Variants in KIF22 observed in about 807,000 individuals in gnomAD.
The protein encoded by KIF22 is kinesin family member 22.
In KIF22, 62 loss-of-function variants were observed where a neutral mutation model predicts 73.0. The observed-to-expected ratio is 0.85, with a 90% CI of 0.69 to 1.05. The LOEUF (loss-of-function observed/expected upper bound fraction) is 1.05. KIF22 is among the 50% of genes least tolerant of loss of function. The probability of loss-of-function intolerance (pLI) is 0.00; values close to 1 mark genes in which losing one functional copy is unlikely to be tolerated. For missense variants in KIF22, 854 were observed against 870.1 expected (o/e 0.98, Z 0.23); for synonymous variants, 411 against 340.1 (o/e 1.21, Z -2.29).
Position 29,799,415 on chromosome 16 carries a change from T to C in KIF22, c.911T>C (p.Leu304Pro). The C allele has an allele frequency of 6.2e-7, 1 of 1,614,246 alleles. No individual in the cohort carries two copies. Among genetic ancestry groups the C allele is most frequent in the East Asian group, 2.2e-5 (1 of 44,888 alleles). The change falls in exon 6 of 14, where the codon CTG becomes CCG. Residue 304 changes from leucine to proline, a missense_variant. Physicochemically the swap from Leu to Pro is moderately conservative, Grantham distance 98. Around this residue, in one of 3 missense-constraint regions of KIF22, gnomAD observed 245 missense variants for 351.8 expected, o/e 0.70. Coordinates refer to ENST00000160827, the MANE Select transcript of KIF22 (RefSeq NM_007317.3). ...GCCATCAACACCTCCCTGTTTGTCC[T>C]GGGCAAAGTGGTAGATGCGCTGAAT... ...SGAINTSLFV[L>P]GKVVDALNQG...
At chr16:29,791,131 G>A (rs1329946066) in intron 1 of KIF22, 7 of 1,332,546 alleles carry the variant, frequency 5.3e-6, no homozygotes, top group South Asian at 1.8e-5. Context: ...GTGAAACGGG[G>A]GTCATGGCCT....
chr16:29,799,672 T>C lies in KIF22; in HGVS notation c.1035T>C (p.Ile345=), dbSNP rs1448962703. 3 of 1,614,024 alleles carry C rather than the reference T, an allele frequency of 1.9e-6. 1 individual carries two copies. The highest frequency in any genetic ancestry group is 1.1e-5 in the South Asian group (1 of 91,058). Residue 345 remains isoleucine (I), a synonymous_variant, in exon 7 of 14, where the codon ATT becomes ATC. Transcript: ENST00000160827. ...CCCACAGTATCCTTATTGCCAACATTGCCCCTGAGAGACGCTTCTACCTAG... is the reference window on the plus strand; with the variant it reads ...CCCACAGTATCCTTATTGCCAACATCGCCCCTGAGAGACGCTTCTACCTAG... ...GSAHSILIAN[I]APERRFYLDT...
intron 1 of KIF22, chr16:29,791,256 T>C: frequency 8.8e-6 from 9 of 1,020,248 alleles, no homozygotes; most frequent in Non-Finnish European, 9.4e-6. Flanking sequence ...TGGGACATGG[T>C]GTTTGGGTGC....
At position 29,798,916 on chromosome 16, in the gene KIF22, C is replaced by T. The variant is rs1899028069; in HGVS notation, c.550-59C>T. On this transcript the variant is annotated intron_variant, in intron 4 of 13. Coordinates refer to ENST00000160827, the MANE Select transcript of KIF22 (RefSeq NM_007317.3). The surrounding 1 kb of genome is among the most constrained non-coding windows in gnomAD (Gnocchi z 4.1). ...AATAGAACAGAGAAAGGAAACTGAT[C>T]CCCAGGAAGAAACAGCCTCTCTATG... 1.3e-6 allele frequency: 2 copies of T among 1,570,242 alleles called. No individual in the cohort carries two copies. The highest frequency in any genetic ancestry group is 1.8e-6 in the Non-Finnish European group (2 of 1,141,164).
chr16:29,801,944 G>C (rs1899151695), intron 8 of KIF22, among the ~76,000 whole-genome samples: 1 of 152,034 alleles, frequency 6.6e-6, no homozygotes, highest in Non-Finnish European at 1.5e-5. Flanking sequence ...GGAGGTGTGG[G>C]GCAAGATTCC....
chr16:29,791,760 G>A (rs1258263789), intron 1 of KIF22, among the ~76,000 whole-genome samples: 1 of 152,172 alleles, frequency 6.6e-6, no homozygotes, highest in Non-Finnish European at 1.5e-5. Flanking sequence ...GTAAATATTG[G>A]GGCTTGAATT....
intron 9 of KIF22, 72 bp from the exon 10 acceptor site, chr16:29,803,377 C>G (rs551777959): frequency 3.8e-6 from 6 of 1,577,502 alleles, no homozygotes; most frequent in African/African-American, 1.4e-5. Context: ...GCATACTCAC[C>G]CTGGTAACCC....
chr16:29,803,562 A>G lies in KIF22; in HGVS notation c.1563A>G (p.Thr521=). The G allele has an allele frequency of 1.9e-6, 3 of 1,613,428 alleles. No homozygotes were observed. The highest frequency in any genetic ancestry group is 2.2e-5 in the East Asian group (1 of 44,884). Residue 521 remains threonine (T), a synonymous_variant, in exon 10 of 14, where the codon ACA becomes ACG. Coordinates refer to ENST00000160827, the MANE Select transcript of KIF22 (RefSeq NM_007317.3). ...MLRPLSHRTV[T]GAKPLKKAVV... is the part of the protein sequence containing the mutation. Reference sequence around the variant, plus strand: ...GGCCCCTTTCACATCGCACAGTCACAGGGGCAAAGCCCCTGAAAAAGGCTG... The same window carrying G: ...GGCCCCTTTCACATCGCACAGTCACGGGGGCAAAGCCCCTGAAAAAGGCTG...
chr16:29,803,420 G>GA (rs1899212271), intron 9 of KIF22, 29 bp from the exon 10 acceptor site: 1 of 1,612,232 alleles, frequency 6.2e-7, no homozygotes, highest in Non-Finnish European at 8.5e-7. Context: ...GTTGGGTCTG[G>GA]ATCACATCTC....
rs1001746297 is a variant in KIF22 at position 29,799,407 on chromosome 16, G to C, written c.903G>C (p.Leu301=). 1.2e-6 allele frequency: 2 copies of C among 1,614,108 alleles called. No homozygotes were observed. The highest frequency in any genetic ancestry group is 2.7e-5 in the African/African-American group (2 of 74,934). Residue 301 remains leucine (L), a synonymous_variant, in exon 6 of 14, where the codon CTG becomes CTC. Transcript: ENST00000160827. ...AGAGTGGAGCCATCAACACCTCCCTGTTTGTCCTGGGCAAAGTGGTAGATG... is the reference window on the plus strand; with the variant it reads ...AGAGTGGAGCCATCAACACCTCCCTCTTTGTCCTGGGCAAAGTGGTAGATG... ...LKESGAINTS[L]FVLGKVVDAL... is the part of the protein sequence containing the mutation.
At chr16:29,792,298 A>C (rs1898838875) in intron 1 of KIF22, among the ~76,000 whole-genome samples, 1 of 152,234 alleles carries the variant, frequency 6.6e-6, no homozygotes, top group Non-Finnish European at 1.5e-5. Context: ...TTATCATGAA[A>C]GGGCTAGACT....
Position 29,797,056 on chromosome 16 carries a change from C to G in KIF22, c.234C>G (p.Asn78Lys), listed in dbSNP as rs766437055. The change falls in exon 2 of 14, where the codon AAC (asparagine) becomes AAG (lysine). Residue 78 changes from asparagine to lysine, a missense_variant. Asn to Lys is a moderately conservative substitution (Grantham distance 94). Transcript: ENST00000160827. The surrounding 1 kb of genome is among the most constrained non-coding windows in gnomAD (Gnocchi z 4.1). ...ACAGCTGCTCTCTAGAGATTGCTAA[C>G]TGGAGGAACCACCAGGAGACTCTCA... ...GMDSCSLEIA[N>K]WRNHQETLKY... is the part of the protein sequence containing the mutation. The G allele has an allele frequency of 4.4e-6, 7 of 1,602,438 alleles. No individual in the cohort carries two copies. The highest frequency in any genetic ancestry group is 6.0e-6 in the Non-Finnish European group (7 of 1,172,658).
At chr16:29,790,955 G>A in intron 1 of KIF22, 126 bp downstream of exon 1, 1 of 1,503,282 alleles carries the variant, frequency 6.7e-7, no homozygotes, top group Non-Finnish European at 8.9e-7. Context: ...GGGGCGGGGA[G>A]AGGGGGACGG....
chr16:29,791,529 G>A (rs1049179923), intron 1 of KIF22: 3 of 152,302 alleles, frequency 2.0e-5, no homozygotes, highest in Non-Finnish European at 4.4e-5. Context: ...GATGGTGAGC[G>A]CCATAGTAAT....
chr16:29,799,587 G>A (rs1424390262), intron 6 of KIF22, 41 bp from the exon 7 acceptor site: 2 of 1,613,208 alleles, frequency 1.2e-6, no homozygotes, highest in Middle Eastern at 1.6e-4. Context: ...GCATAGGAAG[G>A]CTGGGCTTCT....
Position 29,790,780 on chromosome 16 carries a change from G to T in KIF22, c.21G>T (p.Thr7=). 2 of 1,601,044 alleles carry T rather than the reference G, an allele frequency of 1.2e-6. No individual in the cohort carries two copies. The highest frequency in any genetic ancestry group is 1.7e-6 in the Non-Finnish European group (2 of 1,173,978). Residue 7 remains threonine (T), a synonymous_variant, in exon 1 of 14, where the codon ACG becomes ACT. Coordinates refer to ENST00000160827, the MANE Select transcript of KIF22 (RefSeq NM_007317.3). ...GTGGAATGGCCGCGGGCGGCTCGACGCAGCAGAGGCGACGCGAGATGGCGG... is the reference window on the plus strand; with the variant it reads ...GTGGAATGGCCGCGGGCGGCTCGACTCAGCAGAGGCGACGCGAGATGGCGG... MAAGGS[T]QQRRREMAAA...
In KIF22 at chr16:29,798,881, C is replaced by G. The variant is rs1205712455; in HGVS notation, c.550-94C>G. The G allele has an allele frequency of 1.3e-6, 2 of 1,535,364 alleles. No homozygotes were observed. Among genetic ancestry groups the G allele is most frequent in the Non-Finnish European group, 1.8e-6 (2 of 1,114,468 alleles). On this transcript the variant is annotated intron_variant, in intron 4 of 13. Coordinates refer to ENST00000160827, the MANE Select transcript of KIF22 (RefSeq NM_007317.3). The surrounding 1 kb of genome is among the most constrained non-coding windows in gnomAD (Gnocchi z 4.1). Reference sequence around the variant, plus strand: ...ACAGAGACTGGGGTAGCAGATGGTACAACTCCGAGAATAGAACAGAGAAAG... The same window carrying G: ...ACAGAGACTGGGGTAGCAGATGGTAGAACTCCGAGAATAGAACAGAGAAAG...
Position 29,796,564 on chromosome 16 carries a change from T to A in KIF22, c.71-329T>A, listed in dbSNP as rs569171840. On this transcript the variant is annotated intron_variant, in intron 1 of 13. Transcript: ENST00000160827. The stretch of plus-strand genomic sequence containing the variant: ...TCCCTCTCTCTCTCTTTTTTTTTTT[T>A]AAGTGCCCAGCATCACCTGGGAGCT... Among the ~76,000 whole-genome samples, 10 of 151,774 alleles carry A rather than the reference T, an allele frequency of 6.6e-5. No individual in the cohort carries two copies. The East Asian group carries it at 1.9e-3, about 29-fold the overall frequency.
At chr16:29,794,130 A>G (rs531283276) in intron 1 of KIF22, among the ~76,000 whole-genome samples, 1 of 152,338 alleles carries the variant, frequency 6.6e-6, no homozygotes, top group Non-Finnish European at 1.5e-5. Flanking sequence ...TCACATTCTT[A>G]TGAGATGCAA....
Sources: allele counts gnomAD v4.1 joint callset (sites outside exome capture counted in the v4.1 genomes callset), GRCh38; gene constraint gnomAD v4.1.1; regional missense constraint gnomAD v4.1.1; non-coding constraint Gnocchi (gnomAD v3.1); transcripts MANE v1.5; gene names NCBI Gene and HGNC (gene_info 2026-07-23, HGNC 2026-07-21).